SYT11: variants seen among roughly 807,000 people sequenced by gnomAD.
The protein encoded by SYT11 is synaptotagmin-11.
A neutral mutation model predicts 30.4 loss-of-function variants in SYT11; 12 were observed. The observed-to-expected ratio is 0.39, with a 90% CI of 0.25 to 0.64. SYT11 has a LOEUF of 0.64. Among genes scored for constraint, SYT11 ranks in the 30% least tolerant of loss-of-function variants. The pLI, the probability that SYT11 is intolerant of heterozygous loss-of-function variation, is 0.45. For missense variants in SYT11, 412 were observed against 552.0 expected, an observed-to-expected ratio of 0.75 and a Z score of 2.54; for synonymous variants, 204 against 216.0, an observed-to-expected ratio of 0.94 and a Z score of 0.49.
In SYT11 at chr1:155,868,453, G is replaced by A; in HGVS notation, c.523G>A (p.Val175Met). 10 of 1,614,100 alleles carry A rather than the reference G, an allele frequency of 6.2e-6. No homozygotes were observed. The highest frequency in any genetic ancestry group is 1.3e-5 in the African/African-American group (1 of 75,028). The change falls in exon 2 of 4, where the codon GTG (valine) becomes ATG (methionine). Residue 175 changes from valine to methionine, a missense_variant. By Grantham distance (21) the Val-to-Met change is conservative (BLOSUM62 1). Coordinates refer to ENST00000368324, the MANE Select transcript of SYT11 (RefSeq NM_152280.5). This position sits in a 1 kb window ranked among gnomAD's most constrained non-coding sequence, Gnocchi z 4.7. ...VDYNFPKKALVVTIQEAHGLP... is the reference protein window; with the variant it reads ...VDYNFPKKALMVTIQEAHGLP... Reference sequence around the variant, plus strand: ...CTATAACTTCCCGAAAAAAGCCCTGGTGGTGACAATCCAGGAGGCCCATGG... The same window carrying A: ...CTATAACTTCCCGAAAAAAGCCCTGATGGTGACAATCCAGGAGGCCCATGG...
rs540100953 is a variant in SYT11 at position 155,863,324 on chromosome 1, G to A, written c.34+3529G>A. 2.6e-5 allele frequency among the ~76,000 whole-genome samples: 4 copies of A among 152,136 alleles called. No individual in the cohort carries two copies. In the East Asian group the frequency reaches 7.7e-4, roughly 29 times the overall value. ...TTTAATTAGCCAGGCATAGTGGCATGGTCCTGTAGTCCCAGCTATTCAGGA... is the reference window on the plus strand; with the variant it reads ...TTTAATTAGCCAGGCATAGTGGCATAGTCCTGTAGTCCCAGCTATTCAGGA... On this transcript the variant is annotated intron_variant, in intron 1 of 3. Coordinates refer to ENST00000368324, the MANE Select transcript of SYT11 (RefSeq NM_152280.5).
chr1:155,867,310 C>A (rs1672697651), intron 1 of SYT11, among the ~76,000 whole-genome samples: 1 of 152,280 alleles, frequency 6.6e-6, no homozygotes, highest in African/African-American at 2.4e-5. Context: ...CCACCTGCCT[C>A]AGCCTCCCAA....
intron 2 of SYT11, among the ~76,000 whole-genome samples, chr1:155,879,000 A>G (rs1672917261): frequency 6.6e-6 from 1 of 152,208 alleles, no homozygotes; most frequent in Non-Finnish European, 1.5e-5. Flanking sequence ...AGTCCCGCAC[A>G]GGTTTATTTA....
chr1:155,878,932 T>G (rs1008750920), intron 2 of SYT11, among the ~76,000 whole-genome samples: 7 of 151,950 alleles, frequency 4.6e-5, no homozygotes, highest in Admixed American at 3.3e-4. Context: ...AAGCCTCCCC[T>G]GAATCTCCCA....
chr1:155,860,089 C>A lies in SYT11; in HGVS notation c.34+294C>A, dbSNP rs1156935796. 1.3e-5 allele frequency among the ~76,000 whole-genome samples: 2 copies of A among 152,236 alleles called. No homozygotes were observed. Among genetic ancestry groups the A allele is most frequent in the East Asian group, 1.9e-4 (1 of 5,206 alleles). ...ACTGCTGGAGGTGAGAAACAGCAAG[C>A]GTGCGGAGGATGTGAACCCCTCCTT... On this transcript the variant is annotated intron_variant, in intron 1 of 3. Transcript: ENST00000368324. The surrounding 1 kb of genome is among the most constrained non-coding windows in gnomAD (Gnocchi z 4.1).
intron 3 of SYT11, among the ~76,000 whole-genome samples, chr1:155,880,994 G>C (rs1038895970): frequency 6.6e-6 from 1 of 152,118 alleles, no homozygotes; most frequent in Non-Finnish European, 1.5e-5. Flanking sequence ...ATTCCTGCTT[G>C]GTTTCCTTGG....
Position 155,882,194 on chromosome 1 carries a change from G to T in SYT11, c.*686G>T, listed in dbSNP as rs1672991408. The T allele has an allele frequency of 6.6e-6, 1 of 152,256 alleles. No homozygotes were observed. The highest frequency in any genetic ancestry group is 1.5e-5 in the Non-Finnish European group (1 of 68,032). The allele number at this position is 152,256 out of a possible 1,614,324, so 9.4% of individuals were successfully genotyped here. A position where few individuals can be genotyped will look rare whatever the true frequency, so the allele number is the denominator to read the frequency against. On this transcript the variant is annotated 3_prime_UTR_variant, in exon 4 of 4. Coordinates refer to ENST00000368324, the MANE Select transcript of SYT11 (RefSeq NM_152280.5). ...TTGCAGATTTTAATCCATGGAAATT[G>T]TGTTTTGTGCTGAATTGTATTTGCT...
At chr1:155,878,143 T>A (rs1471548326) in intron 2 of SYT11, among the ~76,000 whole-genome samples, 1 of 151,978 alleles carries the variant, frequency 6.6e-6, no homozygotes, top group Non-Finnish European at 1.5e-5. Flanking sequence ...CCTGGGATGC[T>A]GAGGTGGGAG....
Position 155,868,713 on chromosome 1 carries a change from C to T in SYT11, c.783C>T (p.Val261=). The part of the protein sequence containing the change: ...RFSRDDVIGE[V]MVPLAGVDPS... The stretch of plus-strand genomic sequence containing the variant: ...CTCGGGATGATGTCATTGGCGAGGT[C>T]ATGGTGCCACTGGCAGGGGTGGACC... The change falls in exon 2 of 4, where the codon GTC becomes GTT. Residue 261 remains valine, a synonymous_variant. Coordinates refer to ENST00000368324, the MANE Select transcript of SYT11 (RefSeq NM_152280.5). This position sits in a 1 kb window ranked among gnomAD's most constrained non-coding sequence, Gnocchi z 4.7. 1 of 1,614,198 alleles carries T rather than the reference C, an allele frequency of 6.2e-7. No homozygotes were observed. The highest frequency in any genetic ancestry group is 8.5e-7 in the Non-Finnish European group (1 of 1,180,050).
In SYT11 at chr1:155,860,097, G is replaced by A. The variant is rs1227432496; in HGVS notation, c.34+302G>A. ...AGGTGAGAAACAGCAAGCGTGCGGA[G>A]GATGTGAACCCCTCCTTCTGGGGGA... On this transcript the variant is annotated intron_variant, in intron 1 of 3. Transcript: ENST00000368324. This position sits in a 1 kb window ranked among gnomAD's most constrained non-coding sequence, Gnocchi z 4.1. 6.6e-6 allele frequency among the ~76,000 whole-genome samples: 1 copy of A among 152,280 alleles called. No homozygotes were observed. Among genetic ancestry groups the A allele is most frequent in the East Asian group, 1.9e-4 (1 of 5,202 alleles).
chr1:155,865,836 C>A (rs1269101542), intron 1 of SYT11, among the ~76,000 whole-genome samples: 1 of 151,852 alleles, frequency 6.6e-6, no homozygotes, highest in African/African-American at 2.4e-5. Context: ...TGCCACCATG[C>A]CCTGCTAATT....
At chr1:155,866,459 CTA>C (rs1672677446) in intron 1 of SYT11, among the ~76,000 whole-genome samples, 2 of 152,144 alleles carry the variant, frequency 1.3e-5, no homozygotes, top group Non-Finnish European at 2.9e-5. Flanking sequence ...ATAGTGCCTG[CTA>C]TGTGTTTTAA....
At chr1:155,874,117 G>A (rs569564569) in intron 2 of SYT11, among the ~76,000 whole-genome samples, 16 of 151,256 alleles carry the variant, frequency 1.1e-4, no homozygotes, top group Non-Finnish European at 1.8e-4. Context: ...CCTGGCCAAC[G>A]TGGCGGAAAC....
chr1:155,868,817 G>A lies in SYT11; in HGVS notation c.861+26G>A, dbSNP rs1211221761. The A allele has an allele frequency of 1.9e-6, 3 of 1,587,042 alleles. No homozygotes were observed. The highest frequency in any genetic ancestry group is 1.1e-5 in the South Asian group (1 of 87,936). On this transcript the variant is annotated intron_variant, in intron 2 of 3. Transcript: ENST00000368324. This position sits in a 1 kb window ranked among gnomAD's most constrained non-coding sequence, Gnocchi z 4.7. ...GTGAGTAGGAAGTGTGTGTTGGGGA[G>A]CAATGGTAGGTTGGGGGAGAAAATA...
intron 3 of SYT11, 70 bp downstream of exon 3, chr1:155,880,693 G>T (rs1672946099): frequency 6.3e-7 from 1 of 1,576,402 alleles, no homozygotes; most frequent in Non-Finnish European, 8.7e-7. Flanking sequence ...GGCCCAGATA[G>T]ACCTCCACAC....
intron 2 of SYT11, among the ~76,000 whole-genome samples, chr1:155,877,013 C>T (rs1672873533): frequency 6.9e-6 from 1 of 144,094 alleles, no homozygotes; most frequent in Non-Finnish European, 1.5e-5. Context: ...GTTGCCCAAG[C>T]TGGAGTGCAG....
At chr1:155,877,492 G>A (rs947944681) in intron 2 of SYT11, among the ~76,000 whole-genome samples, 4 of 151,170 alleles carry the variant, frequency 2.6e-5, no homozygotes, top group Admixed American at 6.6e-5. Flanking sequence ...TTCGATCTCC[G>A]GGGCTCAATC....
intron 3 of SYT11, 125 bp from the exon 4 acceptor site, chr1:155,881,073 A>G: frequency 9.8e-7 from 1 of 1,024,004 alleles, no homozygotes; most frequent in Non-Finnish European, 1.5e-6. Flanking sequence ...TAAAGAACAC[A>G]TGGGATGGCC....
At chr1:155,871,387 A>C (rs972767971) in intron 2 of SYT11, among the ~76,000 whole-genome samples, 1 of 152,018 alleles carries the variant, frequency 6.6e-6, no homozygotes, top group Non-Finnish European at 1.5e-5. Flanking sequence ...AGCCTTTCCA[A>C]TACACCCTTC....
Sources: allele counts gnomAD v4.1 joint callset (sites outside exome capture counted in the v4.1 genomes callset), GRCh38; gene constraint gnomAD v4.1.1; non-coding constraint Gnocchi (gnomAD v3.1); transcripts MANE v1.5; gene names NCBI Gene and HGNC (gene_info 2026-07-23, HGNC 2026-07-21).